The following ARNT2 variants were observed in gnomAD, a reference collection of about 807,000 sequenced individuals.
The protein encoded by ARNT2 is ARNT protein 2.
Under a neutral mutation model 91.7 loss-of-function variants are expected in ARNT2, and 36 were observed. The observed-to-expected ratio is 0.39, with a 90% CI of 0.30 to 0.52. The LOEUF (loss-of-function observed/expected upper bound fraction) is 0.52, where lower values mean the gene tolerates loss of function less well. Among genes scored for constraint, ARNT2 ranks in the 20% least tolerant of loss-of-function variants. The pLI, the probability that ARNT2 is intolerant of heterozygous loss-of-function variation, is 0.72. For synonymous variants in ARNT2, 365 were observed against 347.1 expected (o/e 1.05, Z -0.57); for missense variants, 775 against 939.3 (o/e 0.83, Z 2.29).
intron 5 of ARNT2, 181 bp downstream of exon 5, chr15:80,475,404 C>CA: frequency 1.6e-6 from 1 of 608,176 alleles, no homozygotes; most frequent in Non-Finnish European, 2.7e-6. Context: ...AATACAAAAA[C>CA]AAAAAATTTG....
chr15:80,545,524 A>G (rs1440609680), intron 8 of ARNT2, among the ~76,000 whole-genome samples: 2 of 152,198 alleles, frequency 1.3e-5, no homozygotes, highest in Admixed American at 6.5e-5. Context: ...GATATAGACG[A>G]CAGGGTAGAG....
At chr15:80,455,957 C>A (rs1018206451) in intron 2 of ARNT2, among the ~76,000 whole-genome samples, 8 of 152,108 alleles carry the variant, frequency 5.3e-5, no homozygotes, top group Non-Finnish European at 8.8e-5. Flanking sequence ...TTCATGTGGA[C>A]GGCAAAATCG....
chr15:80,563,396 C>T (rs1898407098), intron 12 of ARNT2, among the ~76,000 whole-genome samples, 157 bp downstream of exon 12: 1 of 152,244 alleles, frequency 6.6e-6, no homozygotes, highest in Non-Finnish European at 1.5e-5. Flanking sequence ...GTCCCCATCA[C>T]TGTCTCCCTC....
intron 8 of ARNT2, among the ~76,000 whole-genome samples, chr15:80,517,378 C>T (rs1346274386): frequency 1.3e-5 from 2 of 152,060 alleles, no homozygotes; most frequent in Non-Finnish European, 2.9e-5. Context: ...TTAAGAGTGT[C>T]TCTTTATGTT....
In ARNT2 at chr15:80,597,381, T is replaced by C. The variant is rs1043343413; in HGVS notation, c.*3683T>C. ...AAGTGTCCTTTATATTACCAGAAAA[T>C]ATGGGCTTGGCCTAAGTCGCTGTCT... On this transcript the variant is annotated 3_prime_UTR_variant, in exon 19 of 19. Coordinates refer to ENST00000303329, the MANE Select transcript of ARNT2 (RefSeq NM_014862.4). 2.0e-6 allele frequency: 1 copy of C among 490,300 alleles called. No homozygotes were observed. The highest frequency in any genetic ancestry group is 4.1e-6 in the Non-Finnish European group (1 of 243,962). 30.4% of individuals were successfully genotyped at this position (490,300 alleles called of 1,614,324 possible). A position where few individuals can be genotyped will look rare whatever the true frequency, so the allele number is the denominator to read the frequency against.
intron 12 of ARNT2, among the ~76,000 whole-genome samples, chr15:80,564,664 A>ACCCTT (rs1898440651): frequency 1.4e-5 from 2 of 143,712 alleles, no homozygotes; most frequent in Non-Finnish European, 3.0e-5. Flanking sequence ...GTGATTTTTC[A>ACCCTT]CCCCTTCCCT....
At chr15:80,418,827 TA>T (rs538661789) in intron 1 of ARNT2, among the ~76,000 whole-genome samples, 85 of 152,340 alleles carry the variant, frequency 5.6e-4, no homozygotes, top group African/African-American at 1.9e-3. Flanking sequence ...ATGGACAGAC[TA>T]GGAGTTAGGA....
chr15:80,454,941 A>G lies in ARNT2; in HGVS notation c.147-2988A>G, dbSNP rs370592671. Reference sequence around the variant, plus strand: ...CCCCCTTTTTGAAGACTCTTCTATCATCCATTCACTGTGTTGAATTAAAGT... The same window carrying G: ...CCCCCTTTTTGAAGACTCTTCTATCGTCCATTCACTGTGTTGAATTAAAGT... On this transcript the variant is annotated intron_variant, in intron 2 of 18. Transcript: ENST00000303329. 9.7e-4 allele frequency among the ~76,000 whole-genome samples: 147 copies of G among 152,318 alleles called. 3 individuals carry two copies. The South Asian group carries it at 0.03, about 31-fold the overall frequency.
At chr15:80,471,237 T>C (rs1002590835) in intron 4 of ARNT2, among the ~76,000 whole-genome samples, 4 of 152,140 alleles carry the variant, frequency 2.6e-5, no homozygotes, top group African/African-American at 9.7e-5. Flanking sequence ...GGAACATGGA[T>C]GGAGCTGGAG....
intron 8 of ARNT2, among the ~76,000 whole-genome samples, chr15:80,547,247 A>C (rs1412949098): frequency 1.3e-5 from 2 of 152,058 alleles, no homozygotes; most frequent in African/African-American, 2.4e-5. Context: ...TGGTGGGTAA[A>C]CTTGCTGGGC....
At chr15:80,445,083 G>A (rs999404488) in intron 1 of ARNT2, 5 of 151,650 alleles carry the variant, frequency 3.3e-5, no homozygotes, top group Admixed American at 3.3e-4. Flanking sequence ...TGTGTGTGAT[G>A]TGTGTGAGTG....
At chr15:80,442,828 C>T (rs576410751) in intron 1 of ARNT2, 5 of 984,792 alleles carry the variant, frequency 5.1e-6, no homozygotes, top group Non-Finnish European at 6.0e-6. Flanking sequence ...TTTTTTTTGC[C>T]CTATACAGTG....
intron 9 of ARNT2, 30 bp from the exon 10 acceptor site, chr15:80,552,610 C>A: frequency 1.2e-6 from 2 of 1,610,166 alleles, no homozygotes; most frequent in Non-Finnish European, 1.7e-6. Flanking sequence ...CTGTCAACAC[C>A]ACCTCAACTG....
intron 17 of ARNT2, among the ~76,000 whole-genome samples, chr15:80,581,685 G>T (rs1898800127): frequency 6.6e-6 from 1 of 152,096 alleles, no homozygotes; most frequent in African/African-American, 2.4e-5. Context: ...ACCCATTATG[G>T]CCCTGGCAAG....
intron 1 of ARNT2, among the ~76,000 whole-genome samples, chr15:80,437,720 C>G (rs561904526): frequency 1.2e-4 from 19 of 152,324 alleles, no homozygotes; most frequent in African/African-American, 4.6e-4. Flanking sequence ...GTTCTGTGTT[C>G]CCAATTCCCA....
chr15:80,580,960 G>A (rs1898785176), intron 16 of ARNT2: 2 of 526,986 alleles, frequency 3.8e-6, no homozygotes, highest in East Asian at 6.3e-5. Context: ...AGTTCTAGGT[G>A]TTCATAATGC....
At chr15:80,411,049 C>G (rs1895674681) in intron 1 of ARNT2, among the ~76,000 whole-genome samples, 1 of 152,158 alleles carries the variant, frequency 6.6e-6, no homozygotes, top group Admixed American at 6.5e-5. Context: ...CTTCCCTACC[C>G]TTACCCCCTC....
chr15:80,420,096 A>G lies in ARNT2; in HGVS notation c.31+15550A>G, dbSNP rs770996881. Among the ~76,000 whole-genome samples the G allele has an allele frequency of 2.5e-4, 38 of 152,230 alleles. 1 individual carries two copies. Among genetic ancestry groups the G allele is most frequent in the Non-Finnish European group, 3.1e-4 (21 of 68,010 alleles). On this transcript the variant is annotated intron_variant, in intron 1 of 18. Coordinates refer to ENST00000303329, the MANE Select transcript of ARNT2 (RefSeq NM_014862.4). The stretch of plus-strand genomic sequence containing the variant: ...TCCACATTTTATCATCTCACACCAG[A>G]ACCCACATTCTGGATCTGTCTTTTA...
intron 8 of ARNT2, among the ~76,000 whole-genome samples, chr15:80,543,353 G>A (rs1001124608): frequency 3.3e-5 from 5 of 152,254 alleles, no homozygotes; most frequent in Non-Finnish European, 5.9e-5. Flanking sequence ...TGTGGTGTCC[G>A]CTTCCACTTT....
Sources: allele counts gnomAD v4.1 joint callset (sites outside exome capture counted in the v4.1 genomes callset), GRCh38; gene constraint gnomAD v4.1.1; transcripts MANE v1.5; gene names NCBI Gene and HGNC (gene_info 2026-07-23, HGNC 2026-07-21).